The following ABCD3 variants were observed in gnomAD, a reference collection of about 807,000 sequenced individuals.
ABCD3 encodes ATP-binding cassette sub-family D member 3.
ABCD3 carries 41 observed loss-of-function variants against 105.5 expected under a neutral mutation model. The observed-to-expected ratio is 0.39, with a 90% CI of 0.30 to 0.50. The LOEUF is 0.50. ABCD3 is among the 20% of genes least tolerant of loss of function. The probability of loss-of-function intolerance (pLI) is 0.84; values close to 1 mark genes in which losing one functional copy is unlikely to be tolerated. For synonymous variants in ABCD3, 258 were observed against 269.0 expected (o/e 0.96, Z 0.40); for missense variants, 622 against 806.3 (o/e 0.77, Z 2.77).
intron 1 of ABCD3, among the ~76,000 whole-genome samples, chr1:94,427,633 C>G (rs1276499759): frequency 6.6e-6 from 1 of 152,096 alleles, no homozygotes; most frequent in South Asian, 2.1e-4. Context: ...GGAATTTTAT[C>G]TGCTAAATTA....
At chr1:94,464,477 G>A (rs2100974260) in intron 2 of ABCD3, among the ~76,000 whole-genome samples, 1 of 152,068 alleles carries the variant, frequency 6.6e-6, no homozygotes, top group Non-Finnish European at 1.5e-5. Flanking sequence ...TCTTCCTCAA[G>A]CACGTTGCAG....
At chr1:94,472,422 G>A (rs1025369606) in intron 4 of ABCD3, among the ~76,000 whole-genome samples, 3 of 146,312 alleles carry the variant, frequency 2.1e-5, no homozygotes, top group South Asian at 2.2e-4. Context: ...CAACATTTTT[G>A]TGTGGTTCTA....
intron 1 of ABCD3, among the ~76,000 whole-genome samples, chr1:94,457,466 G>GAAT (rs1433625259): frequency 1.3e-5 from 2 of 152,094 alleles, no homozygotes; most frequent in African/African-American, 4.8e-5. Flanking sequence ...ATAGAGGGTT[G>GAAT]AATAATGTAT....
intron 1 of ABCD3, among the ~76,000 whole-genome samples, chr1:94,443,269 A>G (rs929555628): frequency 6.6e-6 from 1 of 152,090 alleles, no homozygotes; most frequent in Admixed American, 6.5e-5. Context: ...TCTTCTTTTG[A>G]AAAATGTCTG....
chr1:94,450,516 C>A (rs1036613845), intron 1 of ABCD3, among the ~76,000 whole-genome samples: 1 of 152,256 alleles, frequency 6.6e-6, no homozygotes, highest in African/African-American at 2.4e-5. Flanking sequence ...CATGAGCGAT[C>A]TGTGCCTTAA....
intron 7 of ABCD3, 130 bp from the exon 8 acceptor site, chr1:94,478,129 A>G (rs1332877015): frequency 1.5e-6 from 1 of 646,252 alleles, no homozygotes; most frequent in Non-Finnish European, 2.8e-6. Flanking sequence ...TACATTGTAC[A>G]TAGTGGGACC....
intron 1 of ABCD3, among the ~76,000 whole-genome samples, chr1:94,450,337 A>G (rs920265935): frequency 1.6e-4 from 25 of 152,210 alleles, no homozygotes; most frequent in African/African-American, 6.0e-4. Flanking sequence ...CTGGCCATAA[A>G]CTGGCCCCAA....
intron 1 of ABCD3, among the ~76,000 whole-genome samples, chr1:94,439,318 T>C (rs2100909414): frequency 6.6e-6 from 1 of 152,274 alleles, no homozygotes; most frequent in South Asian, 2.1e-4. Context: ...TGGTCTTTTG[T>C]GTATCCAAAG....
At chr1:94,488,661 G>T (rs1417334977) in intron 13 of ABCD3, among the ~76,000 whole-genome samples, 2 of 151,912 alleles carry the variant, frequency 1.3e-5, no homozygotes, top group African/African-American at 2.4e-5. Context: ...AGCTCCTGTG[G>T]CAGTTATGGT....
chr1:94,450,970 A>G (rs1053822290), intron 1 of ABCD3, among the ~76,000 whole-genome samples: 2 of 152,136 alleles, frequency 1.3e-5, no homozygotes, highest in African/African-American at 4.8e-5. Context: ...CTCCTAATTT[A>G]TGAGCATTTG....
intron 21 of ABCD3, among the ~76,000 whole-genome samples, chr1:94,509,064 A>G (rs1570839103): frequency 6.6e-6 from 1 of 152,156 alleles, no homozygotes; most frequent in South Asian, 2.1e-4. Context: ...GTCTTGTGCC[A>G]GTTTTCAAAG....
intron 3 of ABCD3, 141 bp downstream of exon 3, chr1:94,465,014 C>T: frequency 1.3e-6 from 1 of 754,248 alleles, no homozygotes; most frequent in South Asian, 1.6e-5. Flanking sequence ...GCATCTCCTC[C>T]ACTTCCGGGG....
intron 2 of ABCD3, among the ~76,000 whole-genome samples, chr1:94,464,228 A>G (rs779398607): frequency 6.6e-6 from 1 of 152,158 alleles, no homozygotes; most frequent in African/African-American, 2.4e-5. Context: ...AGGAAGAGAG[A>G]GTGAATTGAC....
intron 21 of ABCD3, chr1:94,513,902 CA>C (rs778393639): frequency 6.6e-6 from 1 of 151,912 alleles, no homozygotes; most frequent in Non-Finnish European, 1.5e-5. Flanking sequence ...TTTTATTATG[CA>C]ATTCCTAACC....
chr1:94,467,868 T>C, intron 3 of ABCD3, 51 bp from the exon 4 acceptor site: 1 of 1,354,522 alleles, frequency 7.4e-7, no homozygotes, highest in Non-Finnish European at 1.1e-6. Context: ...AATATTTCTT[T>C]GAACTTTCTA....
At chr1:94,421,409 C>G (rs1180153360) in intron 1 of ABCD3, among the ~76,000 whole-genome samples, 2 of 152,154 alleles carry the variant, frequency 1.3e-5, no homozygotes, top group Non-Finnish European at 2.9e-5. Context: ...TCCAGCACTG[C>G]TAAGCTAACT....
At chr1:94,409,673 C>A in the ABCD3 span, among the ~76,000 whole-genome samples, 3 of 152,160 alleles carry the variant, frequency 2.0e-5, no homozygotes, top group Non-Finnish European at 4.4e-5. Flanking sequence ...TTAGAACTTT[C>A]TGGCATCATT....
intron 5 of ABCD3, among the ~76,000 whole-genome samples, 190 bp downstream of exon 5, chr1:94,474,025 G>T (rs1648612811): frequency 6.9e-6 from 1 of 145,666 alleles, no homozygotes; most frequent in Non-Finnish European, 1.5e-5. Flanking sequence ...ATTATGTTTG[G>T]TTTAATTTCA....
chr1:94,480,938 C>T (rs922109865), intron 9 of ABCD3, among the ~76,000 whole-genome samples: 2 of 152,014 alleles, frequency 1.3e-5, no homozygotes, highest in African/African-American at 2.4e-5. Context: ...TCAATTTTTC[C>T]ACAAATATTT....
Sources: allele counts gnomAD v4.1 joint callset (sites outside exome capture counted in the v4.1 genomes callset), GRCh38; gene constraint gnomAD v4.1.1; transcripts MANE v1.5; gene names NCBI Gene and HGNC (gene_info 2026-07-23, HGNC 2026-07-21).